PTPRM: variants seen among roughly 807,000 people sequenced by gnomAD.
PTPRM encodes receptor-type tyrosine-protein phosphatase mu.
Under a neutral mutation model 186.7 loss-of-function variants are expected in PTPRM, and 47 were observed. The ratio of observed to expected loss-of-function variants is 0.25; its 90% CI spans 0.20 to 0.32. The LOEUF is 0.32. Ranked by LOEUF, PTPRM falls within the 10% of genes least tolerant of loss-of-function variation. The pLI is 1.00. For synonymous variants in PTPRM, 668 were observed against 674.9 expected (o/e 0.99, Z 0.16); for missense variants, 1,494 against 1,865.0 (o/e 0.80, Z 3.66).
chr18:8,354,300 T>G (rs567330364), intron 23 of PTPRM, among the ~76,000 whole-genome samples: 2 of 151,538 alleles, frequency 1.3e-5, no homozygotes, highest in South Asian at 4.2e-4. Flanking sequence ...AGAGGAGGAC[T>G]CACAACAGAA....
rs879431421 is a variant in PTPRM, at chr18:7,925,293, T to A, written c.548-1275T>A. Among the ~76,000 whole-genome samples, 52 of 152,316 alleles carry A rather than the reference T, an allele frequency of 3.4e-4. 2 individuals are homozygous for A. The highest frequency in any genetic ancestry group is 3.3e-3 in the Admixed American group (51 of 15,304). The stretch of plus-strand genomic sequence containing the variant: ...AGTATTAAGAAACAATGGTCCATGG[T>A]TATATTGCTTTGTTGGAAGTTATTT... On this transcript the variant is annotated intron_variant, in intron 4 of 32. Coordinates refer to ENST00000580170, the MANE Select transcript of PTPRM (RefSeq NM_001105244.2).
chr18:7,822,672 C>A (rs1353290425), intron 2 of PTPRM, among the ~76,000 whole-genome samples: 1 of 152,132 alleles, frequency 6.6e-6, no homozygotes, highest in East Asian at 1.9e-4. Flanking sequence ...TTCATTACAA[C>A]CCTTAGAATG....
chr18:7,880,185 T>C lies in PTPRM; in HGVS notation c.197-7921T>C, dbSNP rs551309728. ...GGATTATAGGAACTACAATTCAAGA[T>C]GTAATTTGGGTGGGGACACAGCCAA... On this transcript the variant is annotated intron_variant, in intron 2 of 32. Coordinates refer to ENST00000580170, the MANE Select transcript of PTPRM (RefSeq NM_001105244.2). Among the ~76,000 whole-genome samples the C allele has an allele frequency of 4.1e-4, 62 of 152,182 alleles. 2 individuals carry two copies. The highest frequency in any genetic ancestry group is 2.5e-3 in the Admixed American group (38 of 15,296).
intron 2 of PTPRM, among the ~76,000 whole-genome samples, chr18:7,816,366 T>C (rs1598860748): frequency 6.6e-6 from 1 of 152,308 alleles, no homozygotes; most frequent in Non-Finnish European, 1.5e-5. Context: ...TTTTAAACAA[T>C]AATGTAAATA....
At chr18:7,915,505 T>C (rs1001366004) in intron 4 of PTPRM, among the ~76,000 whole-genome samples, 5 of 152,224 alleles carry the variant, frequency 3.3e-5, no homozygotes, top group African/African-American at 1.2e-4. Flanking sequence ...GAGCTCTTTT[T>C]CTTGGGCTCT....
rs569795153 is a variant in PTPRM at position 7,709,618 on chromosome 18, C to T, written c.74-64531C>T. On this transcript the variant is annotated intron_variant, in intron 1 of 32. Coordinates refer to ENST00000580170, the MANE Select transcript of PTPRM (RefSeq NM_001105244.2). The stretch of plus-strand genomic sequence containing the variant: ...TACAAAAGATAAATGAAACAAAAAG[C>T]TGGTTATTTGAAAAGATAACCAAAA... 5.3e-5 allele frequency among the ~76,000 whole-genome samples: 8 copies of T among 152,102 alleles called. No individual in the cohort carries two copies. The East Asian group carries it at 1.5e-3, about 29-fold the overall frequency.
chr18:7,575,943 AG>A (rs1276067781), intron 1 of PTPRM, among the ~76,000 whole-genome samples: 1 of 152,208 alleles, frequency 6.6e-6, no homozygotes, highest in African/African-American at 2.4e-5. Flanking sequence ...AAGTCAGGGC[AG>A]GGTGGAGAAT....
intron 2 of PTPRM, among the ~76,000 whole-genome samples, chr18:7,803,773 T>C (rs2044092651): frequency 6.6e-6 from 1 of 152,184 alleles, no homozygotes; most frequent in Non-Finnish European, 1.5e-5. Flanking sequence ...ATTTGAGTTA[T>C]TGAAAACTTC....
At chr18:7,928,505 A>G (rs2051301801) in intron 5 of PTPRM, among the ~76,000 whole-genome samples, 1 of 152,218 alleles carries the variant, frequency 6.6e-6, no homozygotes, top group African/African-American at 2.4e-5. Context: ...TGTGGTAATT[A>G]ATGATGAGAC....
At position 8,387,221 on chromosome 18, in the gene PTPRM, G is replaced by C. The variant is rs593950; in HGVS notation, c.4194G>C (p.Thr1398=). 1,192,578 of 1,612,226 alleles carry C rather than the reference G, an allele frequency of 0.74. 442,414 individuals are homozygous for C. The highest frequency in any genetic ancestry group is 0.84 in the Admixed American group (50,144 of 59,982). The change falls in exon 31 of 33, where the codon ACG becomes ACC. Residue 1398 remains threonine (T), a synonymous_variant. Transcript: ENST00000580170. ...QEEYNGGEGR[T]VVHCLNGGGR... ...AGTACAATGGCGGGGAAGGCCGCAC[G>C]GTTGTGCACTGCTTGTAAGTGCTTG... is the stretch of plus-strand genomic sequence containing the variant.
chr18:7,625,603 C>G (rs566429056), intron 1 of PTPRM, among the ~76,000 whole-genome samples: 1 of 141,926 alleles, frequency 7.0e-6, no homozygotes, highest in African/African-American at 2.5e-5. Flanking sequence ...GGCGTGATCT[C>G]GGCTCACTGC....
At chr18:7,706,209 GT>G (rs1400683095) in intron 1 of PTPRM, among the ~76,000 whole-genome samples, 1 of 151,818 alleles carries the variant, frequency 6.6e-6, no homozygotes, top group African/African-American at 2.4e-5. Context: ...ACGCATGAGA[GT>G]GTTAGAAGTG....
At chr18:7,932,472 C>T (rs1025805490) in intron 5 of PTPRM, among the ~76,000 whole-genome samples, 7 of 151,920 alleles carry the variant, frequency 4.6e-5, no homozygotes, top group African/African-American at 1.7e-4. Context: ...ATAGGTAACT[C>T]CATTTTATTA....
intron 14 of PTPRM, among the ~76,000 whole-genome samples, chr18:8,152,828 C>T (rs920842008): frequency 6.9e-6 from 1 of 145,816 alleles, no homozygotes; most frequent in Admixed American, 7.2e-5. Flanking sequence ...AGCAGTTCTT[C>T]TGCCTCAGCC....
chr18:8,107,901 AAC>A (rs1429267472), intron 11 of PTPRM, among the ~76,000 whole-genome samples: 1 of 152,218 alleles, frequency 6.6e-6, no homozygotes, highest in African/African-American at 2.4e-5. Flanking sequence ...AGTAATAACA[AAC>A]ACTGAATTCT....
intron 1 of PTPRM, among the ~76,000 whole-genome samples, chr18:7,580,810 T>C (rs1598451920): frequency 6.6e-6 from 1 of 152,230 alleles, no homozygotes; most frequent in East Asian, 1.9e-4. Context: ...CAGAGTAGTG[T>C]TTTCCTGATT....
intron 13 of PTPRM, among the ~76,000 whole-genome samples, chr18:8,128,023 G>A (rs755722471): frequency 3.1e-4 from 47 of 152,254 alleles, no homozygotes; most frequent in African/African-American, 9.4e-4. Flanking sequence ...ATACTCAGTT[G>A]CACTCGAAAA....
chr18:8,091,698 G>A (rs532767804), intron 11 of PTPRM, among the ~76,000 whole-genome samples: 55 of 151,804 alleles, frequency 3.6e-4, no homozygotes, highest in African/African-American at 1.2e-3. Flanking sequence ...CCAATATAGC[G>A]AGAAAGACTA....
intron 21 of PTPRM, among the ~76,000 whole-genome samples, chr18:8,318,958 T>G (rs2095328408): frequency 6.6e-6 from 1 of 152,244 alleles, no homozygotes; most frequent in Admixed American, 6.5e-5. Context: ...CCAGTTATGA[T>G]TAAGTTACCC....
Sources: gnomAD v4.1 joint callset for allele counts (sites outside exome capture counted in the v4.1 genomes callset) on GRCh38, gnomAD v4.1.1 for gene constraint, MANE v1.5 for transcripts, NCBI Gene and HGNC (gene_info 2026-07-23, HGNC 2026-07-21) for gene names.